Variants in DPF3 observed in about 807,000 individuals in gnomAD.
The protein encoded by DPF3 is double PHD fingers 3.
A neutral mutation model predicts 56.8 loss-of-function variants in DPF3; 18 were observed. The observed-to-expected ratio is 0.32, with a 90% CI of 0.22 to 0.47. The LOEUF is 0.47. Among genes scored for constraint, DPF3 ranks in the 20% least tolerant of loss-of-function variants. The pLI is 1.00. For synonymous variants in DPF3, 188 were observed against 180.2 expected (o/e 1.04, Z -0.35); for missense variants, 403 against 488.8 (o/e 0.82, Z 1.65).
intron 9 of DPF3, among the ~76,000 whole-genome samples, chr14:72,624,905 T>C (rs1884731460): frequency 6.6e-6 from 1 of 152,242 alleles, no homozygotes; most frequent in Non-Finnish European, 1.5e-5. Context: ...TGGCGCATCA[T>C]ATCGGGGGAA....
chr14:72,825,680 C>T (rs1883765589), intron 1 of DPF3, among the ~76,000 whole-genome samples: 1 of 144,112 alleles, frequency 6.9e-6, no homozygotes, highest in Admixed American at 7.2e-5. Context: ...ATGAGGGCCC[C>T]CACAGGCTCT....
chr14:72,807,523 A>G (rs2140011778), intron 1 of DPF3, among the ~76,000 whole-genome samples: 1 of 152,276 alleles, frequency 6.6e-6, no homozygotes, highest in East Asian at 1.9e-4. Context: ...AAAACAAACC[A>G]CTAAACTTTC....
At chr14:72,766,088 G>A (rs1891276033) in intron 2 of DPF3, among the ~76,000 whole-genome samples, 1 of 152,148 alleles carries the variant, frequency 6.6e-6, no homozygotes, top group East Asian at 1.9e-4. Flanking sequence ...TCTTGATTGT[G>A]GTAATGGTTC....
chr14:72,866,268 G>A (rs577030997), intron 1 of DPF3, among the ~76,000 whole-genome samples: 4 of 137,704 alleles, frequency 2.9e-5, no homozygotes, highest in Admixed American at 6.9e-5. Flanking sequence ...CAGCCTCCAC[G>A]CACAAGCCAT....
At chr14:72,877,534 T>G (rs1031620619) in intron 1 of DPF3, among the ~76,000 whole-genome samples, 1 of 152,198 alleles carries the variant, frequency 6.6e-6, no homozygotes, top group African/African-American at 2.4e-5. Context: ...GTCCTCTTCA[T>G]TCAGCAGATT....
chr14:72,847,857 C>T (rs1293357427), intron 1 of DPF3, among the ~76,000 whole-genome samples: 1 of 152,206 alleles, frequency 6.6e-6, no homozygotes, highest in Admixed American at 6.5e-5. Context: ...TTGAGTTTCA[C>T]CCAAGCCTAT....
At chr14:72,876,373 C>T (rs1179517732) in intron 1 of DPF3, among the ~76,000 whole-genome samples, 1 of 152,184 alleles carries the variant, frequency 6.6e-6, no homozygotes, top group Non-Finnish European at 1.5e-5. Context: ...GACAATCCCC[C>T]TTGCTGGAGG....
chr14:72,709,611 T>C (rs1444351464), intron 6 of DPF3, among the ~76,000 whole-genome samples: 1 of 152,028 alleles, frequency 6.6e-6, no homozygotes, highest in Non-Finnish European at 1.5e-5. Context: ...AACTCCAGGG[T>C]AGGAGAGCAT....
intron 1 of DPF3, among the ~76,000 whole-genome samples, chr14:72,777,145 C>G (rs1030193938): frequency 6.6e-6 from 1 of 152,182 alleles, no homozygotes; most frequent in Admixed American, 6.5e-5. Context: ...CCCCCAGAGG[C>G]GCCTCTTCCT....
At chr14:72,643,609 G>A (rs913654819) in intron 8 of DPF3, among the ~76,000 whole-genome samples, 1 of 152,176 alleles carries the variant, frequency 6.6e-6, no homozygotes, top group African/African-American at 2.4e-5. Context: ...CATGCCCCCC[G>A]CCACCTCACA....
intron 2 of DPF3, among the ~76,000 whole-genome samples, chr14:72,760,268 C>T (rs955153353): frequency 6.6e-6 from 1 of 152,112 alleles, no homozygotes; most frequent in East Asian, 1.9e-4. Context: ...GTCGGGAGTT[C>T]GAGAACCGCC....
At chr14:72,788,000 T>G (rs930444942) in intron 1 of DPF3, among the ~76,000 whole-genome samples, 2 of 152,176 alleles carry the variant, frequency 1.3e-5, no homozygotes, top group African/African-American at 4.8e-5. Flanking sequence ...AAGAGAGGGC[T>G]TTGGAGAGTA....
chr14:72,677,734 G>A (rs984346793), intron 7 of DPF3, among the ~76,000 whole-genome samples: 4 of 152,172 alleles, frequency 2.6e-5, no homozygotes, highest in Non-Finnish European at 4.4e-5. Flanking sequence ...AGGAGAGCTG[G>A]TCCATGTGTG....
At chr14:72,771,403 C>A (rs1891525873) in intron 2 of DPF3, among the ~76,000 whole-genome samples, 1 of 152,090 alleles carries the variant, frequency 6.6e-6, no homozygotes, top group African/African-American at 2.4e-5. Context: ...CGGCTTGTAA[C>A]CAACACCCAA....
intron 2 of DPF3, among the ~76,000 whole-genome samples, chr14:72,760,283 C>T (rs1169577124): frequency 2.0e-5 from 3 of 152,144 alleles, no homozygotes; most frequent in Admixed American, 6.6e-5. Flanking sequence ...ACCGCCTGAC[C>T]GACATGGAGA....
At chr14:72,802,596 T>C (rs114724529) in intron 1 of DPF3, among the ~76,000 whole-genome samples, 1 of 152,320 alleles carries the variant, frequency 6.6e-6, no homozygotes, top group African/African-American at 2.4e-5. Context: ...AGCCCAGAAC[T>C]GACACATTTT....
At chr14:72,783,930 T>C (rs1398805148) in intron 1 of DPF3, among the ~76,000 whole-genome samples, 1 of 152,044 alleles carries the variant, frequency 6.6e-6, no homozygotes, top group Non-Finnish European at 1.5e-5. Context: ...AGGAAATCAA[T>C]GGGAACTGAA....
At chr14:72,799,310 C>A (rs1256245189) in intron 1 of DPF3, among the ~76,000 whole-genome samples, 1 of 152,172 alleles carries the variant, frequency 6.6e-6, no homozygotes, top group Non-Finnish European at 1.5e-5. Context: ...GTAAAATCAA[C>A]CCCACTCTAC....
At chr14:72,867,546 C>T (rs764202721) in intron 1 of DPF3, among the ~76,000 whole-genome samples, 30 of 152,112 alleles carry the variant, frequency 2.0e-4, no homozygotes, top group Non-Finnish European at 3.7e-4. Context: ...TTCTCTGTTC[C>T]CTCTGCCCAT....
Sources: gnomAD v4.1 joint callset for allele counts (sites outside exome capture counted in the v4.1 genomes callset) on GRCh38, gnomAD v4.1.1 for gene constraint, MANE v1.5 for transcripts, NCBI Gene and HGNC (gene_info 2026-07-23, HGNC 2026-07-21) for gene names.